The following BMAL2 variants were observed in gnomAD, a reference collection of about 807,000 sequenced individuals.
The protein encoded by BMAL2 is basic helix-loop-helix ARNT like 2, also known as basic helix-loop-helix ARNT-like protein 2.
At chr12:27,346,857 G>A in the BMAL2 span, among the ~76,000 whole-genome samples, 1 of 152,126 alleles carries the variant, frequency 6.6e-6, no homozygotes, top group Non-Finnish European at 1.5e-5. Context: ...GTCATGGGGT[G>A]GATCCTTCAT....
chr12:27,400,843 G>A, the BMAL2 span: 4 of 1,356,588 alleles, frequency 2.9e-6, no homozygotes, highest in Non-Finnish European at 4.0e-6. Flanking sequence ...GCGTGTCTTA[G>A]TAGCACTGCT....
the BMAL2 span, among the ~76,000 whole-genome samples, chr12:27,378,315 G>A: frequency 1.1e-3 from 172 of 152,328 alleles, 2 homozygotes; most frequent in East Asian, 0.03. Context: ...ATGAAATAAG[G>A]GTAGTGGTAT....
the BMAL2 span, chr12:27,368,233 A>G: frequency 4.4e-6 from 7 of 1,608,986 alleles, no homozygotes; most frequent in Non-Finnish European, 5.1e-6. Context: ...GTTTAAAATA[A>G]ATGTCTTGTT....
chr12:27,420,613 C>T, the BMAL2 span: 1 of 1,407,442 alleles, frequency 7.1e-7, no homozygotes, highest in Non-Finnish European at 9.6e-7. Context: ...TTCTTAAGTA[C>T]TGTATTGATA....
chr12:27,366,333 A>G, the BMAL2 span, among the ~76,000 whole-genome samples: 4 of 152,144 alleles, frequency 2.6e-5, no homozygotes, highest in Non-Finnish European at 5.9e-5. Context: ...AAGCTTGCTG[A>G]TTGTGCCAGT....
the BMAL2 span, among the ~76,000 whole-genome samples, chr12:27,418,977 TA>T: frequency 7.1e-3 from 1,042 of 147,536 alleles, 11 homozygotes; most frequent in African/African-American, 0.024. Context: ...AGACTCCATC[TA>T]AAAAAAAAAA....
chr12:27,377,034 C>T, the BMAL2 span, among the ~76,000 whole-genome samples: 1 of 149,624 alleles, frequency 6.7e-6, no homozygotes, highest in African/African-American at 2.5e-5. Context: ...AGAAACCCAT[C>T]CTCATGAGTT....
the BMAL2 span, chr12:27,416,072 C>A: frequency 1.5e-6 from 1 of 666,368 alleles, no homozygotes; most frequent in South Asian, 2.2e-5. Flanking sequence ...ATTTTGATCA[C>A]TCAGTGATTT....
chr12:27,389,950 A>G, the BMAL2 span: 1 of 825,860 alleles, frequency 1.2e-6, no homozygotes, highest in South Asian at 2.5e-5. Flanking sequence ...ATTTCACTTC[A>G]GGGTTTACTG....
At chr12:27,369,254 T>A in the BMAL2 span, among the ~76,000 whole-genome samples, 2 of 152,118 alleles carry the variant, frequency 1.3e-5, no homozygotes, top group Admixed American at 1.3e-4. Context: ...GAGGTCAAGA[T>A]AAGGACATAA....
chr12:27,341,792 G>A, the BMAL2 span, among the ~76,000 whole-genome samples: 1 of 152,098 alleles, frequency 6.6e-6, no homozygotes, highest in Non-Finnish European at 1.5e-5. Flanking sequence ...CTTGACTTCC[G>A]ATACAAACAC....
chr12:27,370,109 CAAGG>C, the BMAL2 span: 3 of 1,594,044 alleles, frequency 1.9e-6, no homozygotes, highest in Admixed American at 5.0e-5. Flanking sequence ...GGGGGTGACC[CAAGG>C]CCTCCTTCCT....
the BMAL2 span, among the ~76,000 whole-genome samples, chr12:27,341,648 T>C: frequency 6.6e-6 from 1 of 152,236 alleles, no homozygotes; most frequent in Non-Finnish European, 1.5e-5. Flanking sequence ...TAATGACCTA[T>C]GTTGTTCTAC....
chr12:27,367,025 A>T, the BMAL2 span, among the ~76,000 whole-genome samples: 1 of 152,212 alleles, frequency 6.6e-6, no homozygotes, highest in Non-Finnish European at 1.5e-5. Context: ...TACATTTATG[A>T]ATTTTTCCTA....
At chr12:27,365,498 G>T in the BMAL2 span, among the ~76,000 whole-genome samples, 1 of 152,006 alleles carries the variant, frequency 6.6e-6, no homozygotes, top group Admixed American at 6.6e-5. Flanking sequence ...ACAAAGAAAA[G>T]TTGGGGGTCA....
chr12:27,362,024 C>CA, the BMAL2 span, among the ~76,000 whole-genome samples: 29,310 of 136,534 alleles, frequency 0.21, 3,695 homozygotes, highest in African/African-American at 0.37. Context: ...GAATGGGAGG[C>CA]AAAAAAAAAA....
At chr12:27,336,471 C>T in the BMAL2 span, among the ~76,000 whole-genome samples, 6 of 152,018 alleles carry the variant, frequency 3.9e-5, no homozygotes, top group Admixed American at 2.6e-4. Context: ...TCTGTAGTAG[C>T]GTGTAGTATT....
the BMAL2 span, among the ~76,000 whole-genome samples, chr12:27,360,450 G>A: frequency 8.5e-5 from 13 of 152,246 alleles, no homozygotes; most frequent in African/African-American, 2.9e-4. Context: ...CTGGGGTTAA[G>A]AATGACATTA....
chr12:27,372,177 G>C, the BMAL2 span, among the ~76,000 whole-genome samples: 1 of 144,450 alleles, frequency 6.9e-6, no homozygotes, highest in Admixed American at 7.1e-5. Flanking sequence ...GTTGCAGTGA[G>C]CCAAGGTCGT....
Sources: gnomAD v4.1 joint callset for allele counts (sites outside exome capture counted in the v4.1 genomes callset) on GRCh38, gnomAD v4.1.1 for gene constraint, MANE v1.5 for transcripts, NCBI Gene and HGNC (gene_info 2026-07-23, HGNC 2026-07-21) for gene names.